The following CHLSN variants were observed in gnomAD, a reference collection of about 807,000 sequenced individuals.
CHLSN encodes the protein cholesin.
chr7:1,066,514 A>T, the CHLSN span, among the ~76,000 whole-genome samples: 1 of 152,146 alleles, frequency 6.6e-6, no homozygotes, highest in Non-Finnish European at 1.5e-5. Context: ...CATTCCTTCC[A>T]GTAAGTTGGG....
chr7:1,050,119 A>G, the CHLSN span, among the ~76,000 whole-genome samples: 1 of 152,224 alleles, frequency 6.6e-6, no homozygotes, highest in East Asian at 1.9e-4. Flanking sequence ...ACCTGCTGTC[A>G]GCACAGGCCT....
At chr7:1,136,379 A>AACAT in the CHLSN span, among the ~76,000 whole-genome samples, 1 of 100,228 alleles carries the variant, frequency 1.0e-5, no homozygotes, top group African/African-American at 5.4e-5. Flanking sequence ...AATATATATA[A>AACAT]ATATATAAAC....
At chr7:1,103,626 G>A in the CHLSN span, among the ~76,000 whole-genome samples, 2 of 152,166 alleles carry the variant, frequency 1.3e-5, no homozygotes, top group African/African-American at 4.8e-5. Flanking sequence ...CTTTCATTAT[G>A]ATCAAATTTA....
the CHLSN span, among the ~76,000 whole-genome samples, chr7:1,065,935 C>T: frequency 6.6e-6 from 1 of 152,232 alleles, no homozygotes; most frequent in African/African-American, 2.4e-5. Flanking sequence ...TTCTGGAGCT[C>T]CCTCCAGTGG....
the CHLSN span, among the ~76,000 whole-genome samples, chr7:1,040,665 A>G: frequency 6.7e-6 from 1 of 148,384 alleles, no homozygotes; most frequent in Non-Finnish European, 1.5e-5. Context: ...TGACACCAAA[A>G]GCAGATCCTT....
At chr7:1,020,864 G>A in the CHLSN span, among the ~76,000 whole-genome samples, 2 of 152,224 alleles carry the variant, frequency 1.3e-5, no homozygotes, top group Non-Finnish European at 2.9e-5. Flanking sequence ...TTTCTTGGGG[G>A]CAATCAGGCC....
the CHLSN span, among the ~76,000 whole-genome samples, chr7:982,419 G>A: frequency 5.9e-5 from 9 of 152,260 alleles, no homozygotes; most frequent in African/African-American, 2.2e-4. Context: ...TGCAAAGCAG[G>A]CCCGGCCGCT....
the CHLSN span, among the ~76,000 whole-genome samples, chr7:1,023,321 C>A: frequency 6.6e-6 from 1 of 152,154 alleles, no homozygotes; most frequent in Admixed American, 6.5e-5. The surrounding 1 kb of genome is among the most constrained non-coding windows in gnomAD (Gnocchi z 5.0). Flanking sequence ...GCGGGGTCTG[C>A]GGAAGCTCGT....
chr7:1,107,502 G>A, the CHLSN span, among the ~76,000 whole-genome samples: 11 of 152,182 alleles, frequency 7.2e-5, no homozygotes, highest in African/African-American at 2.7e-4. Context: ...TGAAGGTTCT[G>A]TCTCCCAATC....
the CHLSN span, among the ~76,000 whole-genome samples, chr7:1,090,187 C>A: frequency 6.6e-6 from 1 of 152,248 alleles, no homozygotes; most frequent in East Asian, 1.9e-4. Flanking sequence ...GGCACCAGCA[C>A]CATCTGGGCC....
At chr7:1,000,304 C>A in the CHLSN span, among the ~76,000 whole-genome samples, 1 of 147,986 alleles carries the variant, frequency 6.8e-6, no homozygotes, top group Admixed American at 6.7e-5. Context: ...CGTGCACAGA[C>A]CTCAGCCCCC....
At chr7:1,049,434 C>G in the CHLSN span, among the ~76,000 whole-genome samples, 7 of 152,236 alleles carry the variant, frequency 4.6e-5, no homozygotes, top group Admixed American at 4.6e-4. Flanking sequence ...AACCGAGGCA[C>G]ACAGCAAGGA....
At chr7:1,007,946 C>T in the CHLSN span, among the ~76,000 whole-genome samples, 5 of 152,092 alleles carry the variant, frequency 3.3e-5, no homozygotes, top group African/African-American at 1.2e-4. Flanking sequence ...CGTGGTGGAG[C>T]GGATGGTCCC....
the CHLSN span, among the ~76,000 whole-genome samples, chr7:979,844 C>T: frequency 4.6e-5 from 7 of 152,100 alleles, no homozygotes; most frequent in African/African-American, 1.4e-4. Context: ...TGAGGCAGGG[C>T]GCACACTTTT....
chr7:988,257 T>C, the CHLSN span: 5 of 1,560,648 alleles, frequency 3.2e-6, no homozygotes, highest in Admixed American at 9.1e-5. Context: ...CCTCTCTCTG[T>C]GCCCCGGCTG....
chr7:1,005,703 T>C, the CHLSN span, among the ~76,000 whole-genome samples: 1 of 152,226 alleles, frequency 6.6e-6, no homozygotes, highest in Non-Finnish European at 1.5e-5. Flanking sequence ...TAAGACACCA[T>C]GCTGTGCTGG....
At chr7:1,136,395 T>TAAAC in the CHLSN span, among the ~76,000 whole-genome samples, 8 of 110,666 alleles carry the variant, frequency 7.2e-5, 1 homozygote, top group African/African-American at 1.2e-4. Context: ...TAAACATATA[T>TAAAC]ATAAATATAT....
At chr7:1,134,785 G>T in the CHLSN span, among the ~76,000 whole-genome samples, 1 of 151,754 alleles carries the variant, frequency 6.6e-6, no homozygotes, top group Non-Finnish European at 1.5e-5. Context: ...GCTGAGGCAG[G>T]AGAATGATGT....
the CHLSN span, chr7:1,087,245 G>GT: frequency 1.3e-5 from 2 of 152,362 alleles, no homozygotes; most frequent in South Asian, 4.1e-4. Context: ...TGGACGGCAG[G>GT]TAAGTTCCGA....
Sources: allele counts gnomAD v4.1 joint callset (sites outside exome capture counted in the v4.1 genomes callset), GRCh38; gene constraint gnomAD v4.1.1; non-coding constraint Gnocchi (gnomAD v3.1); transcripts MANE v1.5; gene names NCBI Gene and HGNC (gene_info 2026-07-23, HGNC 2026-07-21).